The following FKBP15 variants were observed in gnomAD, a reference collection of about 807,000 sequenced individuals.
The protein encoded by FKBP15 is FK506-binding protein 15.
Under a neutral mutation model 158.1 loss-of-function variants are expected in FKBP15, and 106 were observed. The ratio of observed to expected loss-of-function variants is 0.67; its 90% CI spans 0.57 to 0.79. The LOEUF is 0.79. Among genes scored for constraint, FKBP15 ranks in the 30% least tolerant of loss-of-function variants. The probability of loss-of-function intolerance (pLI) is 0.00; values close to 1 mark genes in which losing one functional copy is unlikely to be tolerated. For missense variants in FKBP15, 1,287 were observed against 1,479.1 expected (o/e 0.87, Z 2.13); for synonymous variants, 547 against 548.6 (o/e 1.00, Z 0.04).
In FKBP15 at chr9:113,187,890, G is replaced by C; in HGVS notation, c.1286C>G (p.Pro429Arg). The change falls in exon 14 of 28, where the codon CCA becomes CGA. Residue 429 changes from proline (P) to arginine (R), a missense_variant. By Grantham distance (103) the Pro-to-Arg change is moderately radical. Coordinates refer to ENST00000238256, the MANE Select transcript of FKBP15 (RefSeq NM_015258.2). ...AGGTGCCTGGAGCCCAGTAACAGAT[G>C]GCTGAGGTGCTAAGATAAAGGGAGA... ...LPQMTSQAPQ[P>R]SVTGLQAPSA... The C allele has an allele frequency of 6.2e-7, 1 of 1,613,328 alleles. No individual in the cohort carries two copies. Among genetic ancestry groups the C allele is most frequent in the South Asian group, 1.1e-5 (1 of 91,010 alleles).
At chr9:113,170,470 A>T in intron 25 of FKBP15, 52 bp downstream of exon 25, 1 of 1,259,782 alleles carries the variant, frequency 7.9e-7, no homozygotes, top group South Asian at 1.2e-5. Context: ...GAAGGTACTT[A>T]AGCAACAAAA....
chr9:113,166,942 G>A (rs951484542), intron 27 of FKBP15, among the ~76,000 whole-genome samples: 1 of 152,196 alleles, frequency 6.6e-6, no homozygotes, highest in Non-Finnish European at 1.5e-5. Flanking sequence ...CTCTGCTCTG[G>A]TGAGCAACTG....
intron 1 of FKBP15, among the ~76,000 whole-genome samples, chr9:113,214,920 T>C (rs1831087013): frequency 6.6e-6 from 1 of 152,226 alleles, no homozygotes; most frequent in Non-Finnish European, 1.5e-5. Context: ...CAACCTCTGC[T>C]CACTTCCAGC....
intron 19 of FKBP15, among the ~76,000 whole-genome samples, chr9:113,181,904 C>T (rs1830404594): frequency 6.6e-6 from 1 of 152,110 alleles, no homozygotes; most frequent in Non-Finnish European, 1.5e-5. Flanking sequence ...CATTAGGAGT[C>T]AGTCACATAA....
At chr9:113,203,099 T>C (rs372567402) in intron 4 of FKBP15, 64 bp from the exon 5 acceptor site, 2 of 1,092,382 alleles carry the variant, frequency 1.8e-6, no homozygotes, top group African/African-American at 3.2e-5. Flanking sequence ...AAAGGCAATA[T>C]AAAATCAGCA....
At chr9:113,186,392 G>T (rs1263365000) in intron 14 of FKBP15, 29 bp from the exon 15 acceptor site, 2 of 1,408,348 alleles carry the variant, frequency 1.4e-6, no homozygotes, top group South Asian at 1.2e-5. Context: ...ACCACTGGTT[G>T]ATAAAACATT....
At position 113,178,679 on chromosome 9, in the gene FKBP15, C is replaced by T; in HGVS notation, c.2037G>A (p.Glu679=). Reference sequence around the variant, plus strand: ...TGAGCTGGCCCCTGAGAAGATCTGTCTCCTTCAGGCTTTCTGTCAGCTGCA... The same window carrying T: ...TGAGCTGGCCCCTGAGAAGATCTGTTTCCTTCAGGCTTTCTGTCAGCTGCA... The part of the protein sequence containing the change: ...LQMQLTESLK[E]TDLLRGQLTK... Residue 679 remains glutamate (E), a synonymous_variant, in exon 20 of 28, where the codon GAG becomes GAA. Coordinates refer to ENST00000238256, the MANE Select transcript of FKBP15 (RefSeq NM_015258.2). 4 of 1,610,104 alleles carry T rather than the reference C, an allele frequency of 2.5e-6. No homozygotes were observed. The highest frequency in any genetic ancestry group is 3.4e-6 in the Non-Finnish European group (4 of 1,178,340).
At position 113,183,761 on chromosome 9, in the gene FKBP15, G is replaced by A. The variant is rs761765331; in HGVS notation, c.1801C>T (p.Arg601Ter). 37 of 1,611,682 alleles carry A rather than the reference G, an allele frequency of 2.3e-5. No individual in the cohort carries two copies. Among genetic ancestry groups the A allele is most frequent in the African/African-American group, 5.3e-5 (4 of 74,836 alleles). Residue 601 changes from arginine to a stop codon, truncating the protein, a stop_gained, in exon 18 of 28, where the codon CGA becomes TGA. Coordinates refer to ENST00000238256, the MANE Select transcript of FKBP15 (RefSeq NM_015258.2). LOFTEE classifies it high-confidence loss of function. ...CGTACCTGTCATTACCTCTGATTTC[G>A]TTCAATTAGTTCACTAATCTTGTCA... ...QNDKISELIE[R>*]NQRYVEQSNL...
At chr9:113,191,841 T>G (rs1392960075) in intron 11 of FKBP15, among the ~76,000 whole-genome samples, 1 of 151,580 alleles carries the variant, frequency 6.6e-6, no homozygotes, top group African/African-American at 2.4e-5. Context: ...TGGAATAGGG[T>G]AGATAAGGAC....
At chr9:113,189,196 A>G (rs2118898639) in intron 12 of FKBP15, among the ~76,000 whole-genome samples, 1 of 152,306 alleles carries the variant, frequency 6.6e-6, no homozygotes, top group African/African-American at 2.4e-5. Flanking sequence ...TTAGAACTTC[A>G]CCTTGTCCCC....
rs769583341 is a variant in FKBP15, at chr9:113,166,123, AAG to A, written c.3613_3614del (p.Leu1205PhefsTer4). ...CATCGTCATCATCATCATCTCCAAA[AAG>A]GGGCGTTGGGGGCGGGCGTCCCTTC... Reference protein sequence around the residue: ...SMKGRPPPTPLFGDDDDDDDI... With the variant: ...SMKGRPPPTPXFGDDDDDDDI... On this transcript the variant is annotated frameshift_variant, in exon 28 of 28. Coordinates refer to ENST00000238256, the MANE Select transcript of FKBP15 (RefSeq NM_015258.2). LOFTEE classifies it high-confidence loss of function. The A allele has an allele frequency of 3.7e-5, 60 of 1,613,478 alleles. No individual in the cohort carries two copies. Among genetic ancestry groups the A allele is most frequent in the Non-Finnish European group, 5.1e-5 (60 of 1,179,682 alleles).
chr9:113,187,191 C>T (rs182766482), intron 14 of FKBP15: 226 of 153,752 alleles, frequency 1.5e-3, no homozygotes, highest in Non-Finnish European at 2.5e-3. Flanking sequence ...CATAGCCTAT[C>T]CACCATCATT....
At position 113,184,809 on chromosome 9, in the gene FKBP15, A is replaced by G; in HGVS notation, c.1499-5T>C. 2 of 1,585,254 alleles carry G rather than the reference A, an allele frequency of 1.3e-6. No homozygotes were observed. Among genetic ancestry groups the G allele is most frequent in the Non-Finnish European group, 1.7e-6 (2 of 1,164,530 alleles). The stretch of plus-strand genomic sequence containing the variant: ...ATGAAGCCATATCACCTGATCCTAA[A>G]CAGATACAAGCCAAAAAGAAACTTA... On this transcript the variant is annotated splice_region_variant and splice_polypyrimidine_tract_variant and intron_variant, in intron 15 of 27. Coordinates refer to ENST00000238256, the MANE Select transcript of FKBP15 (RefSeq NM_015258.2). The surrounding 1 kb of genome is among the most constrained non-coding windows in gnomAD (Gnocchi z 4.5).
chr9:113,189,687 G>A (rs1830542626), intron 12 of FKBP15, among the ~76,000 whole-genome samples: 1 of 151,776 alleles, frequency 6.6e-6, no homozygotes, highest in Non-Finnish European at 1.5e-5. Flanking sequence ...CAAGACCATC[G>A]CCCTTTCCTT....
In FKBP15 at chr9:113,190,575, G is replaced by T. The variant is rs1830557706; in HGVS notation, c.1069C>A (p.Pro357Thr). 6.2e-7 allele frequency: 1 copy of T among 1,606,600 alleles called. No homozygotes were observed. Among genetic ancestry groups the T allele is most frequent in the Non-Finnish European group, 8.5e-7 (1 of 1,176,206 alleles). ...LSEQLAINTS[P>T]DAVKAKLISR... ...ATCAACTTGGCTTTGACTGCATCGG[G>T]ACTCTAAAAAGAGAGGAAAGTCACA... Residue 357 changes from proline to threonine, a missense_variant, in exon 12 of 28, where the codon CCC becomes ACC. Transcript: ENST00000238256.
intron 24 of FKBP15, 114 bp from the exon 25 acceptor site, chr9:113,170,743 A>G: frequency 1.3e-6 from 1 of 757,046 alleles, no homozygotes; most frequent in Non-Finnish European, 2.4e-6. Flanking sequence ...CTACACTGGG[A>G]TACTGCTGGT....
chr9:113,210,809 T>C (rs1830986415), intron 2 of FKBP15, among the ~76,000 whole-genome samples: 1 of 152,214 alleles, frequency 6.6e-6, no homozygotes, highest in Non-Finnish European at 1.5e-5. Flanking sequence ...GCTGACTTGC[T>C]GAGTCTTCCG....
intron 1 of FKBP15, among the ~76,000 whole-genome samples, chr9:113,220,403 C>A (rs1831226930): frequency 6.6e-6 from 1 of 152,204 alleles, no homozygotes; most frequent in African/African-American, 2.4e-5. Context: ...CTAAAAGAGA[C>A]AAAACCCTTC....
chr9:113,183,876 A>C (rs1830443118), intron 17 of FKBP15, 31 bp from the exon 18 acceptor site: 2 of 1,545,558 alleles, frequency 1.3e-6, no homozygotes, highest in Non-Finnish European at 1.8e-6. Flanking sequence ...GTACAATTTA[A>C]GTGTCTTGGG....
Sources: allele counts gnomAD v4.1 joint callset (sites outside exome capture counted in the v4.1 genomes callset), GRCh38; gene constraint gnomAD v4.1.1; non-coding constraint Gnocchi (gnomAD v3.1); transcripts MANE v1.5; gene names NCBI Gene and HGNC (gene_info 2026-07-23, HGNC 2026-07-21).